LSM5: variants seen among roughly 807,000 people sequenced by gnomAD.
LSM5 encodes U6 snRNA-associated Sm-like protein LSm5.
A neutral mutation model predicts 13.8 loss-of-function variants in LSM5; 8 were observed. That is an observed-to-expected ratio of 0.58 (90% CI 0.34 to 1.04). The LOEUF is 1.04. Ranked by LOEUF, LSM5 falls within the 50% of genes least tolerant of loss-of-function variation. The pLI, the probability that LSM5 is intolerant of heterozygous loss-of-function variation, is 0.03. For synonymous variants in LSM5, 35 were observed against 37.0 expected (o/e 0.95, Z 0.20); for missense variants, 80 against 108.1 (o/e 0.74, Z 1.15).
chr7:32,489,942 A>T (rs1235713518), intron 1 of LSM5: 32 of 907,130 alleles, frequency 3.5e-5, no homozygotes, highest in Admixed American at 1.4e-4. Context: ...CCAGGGTGTT[A>T]GTGTCACTAA....
chr7:32,493,576 G>A (rs372879066), upstream of LSM5, among the ~76,000 whole-genome samples: 8 of 151,920 alleles, frequency 5.3e-5, no homozygotes, highest in African/African-American at 1.9e-4. Flanking sequence ...GTCTCATTCT[G>A]TCATCTGGGC....
rs893099352 is a variant in LSM5, at chr7:32,490,265, C to T, written c.46+55G>A. On this transcript the variant is annotated intron_variant, in intron 1 of 4. Coordinates refer to ENST00000450169, the MANE Select transcript of LSM5 (RefSeq NM_012322.3). ...GGCCTGCCTCGGAACAGCCCCTCGG[C>T]CCCCAATCCTGAATGTCAGCTCCCT... The T allele has an allele frequency of 1.9e-6, 3 of 1,613,910 alleles. No individual in the cohort carries two copies. The African/African-American group carries it at 4.0e-5, about 22-fold the overall frequency.
At chr7:32,490,275 T>C (rs747332542) in intron 1 of LSM5, 45 bp downstream of exon 1, 1 of 1,614,074 alleles carries the variant, frequency 6.2e-7, no homozygotes, top group Non-Finnish European at 8.5e-7. Flanking sequence ...CCCCCAATCC[T>C]GAATGTCAGC....
chr7:32,490,421 G>T, upstream of LSM5: 1 of 1,476,906 alleles, frequency 6.8e-7, no homozygotes. Context: ...TGAAAAGCGC[G>T]CTTCCGCTTT....
intron 2 of LSM5, 84 bp downstream of exon 2, chr7:32,489,165 T>TA: frequency 2.9e-6 from 2 of 682,302 alleles, no homozygotes; most frequent in Non-Finnish European, 5.2e-6. Flanking sequence ...TTTATTATAA[T>TA]AATCACAAAT....
At chr7:32,488,681 C>T (rs374727800) in intron 2 of LSM5, 29 bp from the exon 3 acceptor site, 65 of 1,493,804 alleles carry the variant, frequency 4.4e-5, no homozygotes, top group Non-Finnish European at 5.6e-5. Flanking sequence ...AAAATAAATA[C>T]AGAATTTACT....
chr7:32,487,153 G>T lies in LSM5; in HGVS notation c.*108C>A. The T allele has an allele frequency of 1.1e-6, 1 of 951,434 alleles. No individual in the cohort carries two copies. The highest frequency in any genetic ancestry group is 1.4e-5 in the South Asian group (1 of 69,812). 58.9% of individuals were successfully genotyped at this position (951,434 alleles called of 1,614,324 possible). A position where few individuals can be genotyped will look rare whatever the true frequency, so the allele number is the denominator to read the frequency against. ...CATCTTCAAAGCACTTCCCTTTAAC[G>T]GGAAACTTAGCTTTATGGGATTTAA... On this transcript the variant is annotated 3_prime_UTR_variant, in exon 5 of 5. Transcript: ENST00000450169.
rs1251070069 is a variant in LSM5, at chr7:32,489,249, T to C, written c.142A>G (p.Asn48Asp). The change falls in exon 2 of 5, where the codon AAT becomes GAT. Residue 48 changes from asparagine to aspartate, a missense_variant and splice_region_variant. Physicochemically the swap from Asn to Asp is conservative, Grantham distance 23. Coordinates refer to ENST00000450169, the MANE Select transcript of LSM5 (RefSeq NM_012322.3). Reference sequence around the variant, plus strand: ...CCACCACCACCTTTTAAAAGGATACTGACAAAGTCATCAAATCCTAGAAGA... The same window carrying C: ...CCACCACCACCTTTTAAAAGGATACCGACAAAGTCATCAAATCCTAGAAGA... ...GTLLGFDDFV[N>D]MVLEDVTEFE... 1 of 1,550,826 alleles carries C rather than the reference T, an allele frequency of 6.4e-7. No individual in the cohort carries two copies.
intron 4 of LSM5, 152 bp downstream of exon 4, chr7:32,487,533 T>C: frequency 2.9e-6 from 2 of 683,460 alleles, no homozygotes. Context: ...AGCTGAGCTT[T>C]AGGACCCTGA....
chr7:32,491,656 GA>G (rs529344372), upstream of LSM5, among the ~76,000 whole-genome samples: 93 of 152,224 alleles, frequency 6.1e-4, 1 homozygote, highest in African/African-American at 2.0e-3. Flanking sequence ...ATACCCATTG[GA>G]AAAAATGGGG....
At chr7:32,490,581 C>A, upstream of LSM5, 2 of 592,924 alleles carry the variant, frequency 3.4e-6, no homozygotes, top group Non-Finnish European at 6.2e-6. Flanking sequence ...TCGGCAGATA[C>A]CCATAATGCC....
chr7:32,489,810 T>C (rs1250573799), intron 1 of LSM5, among the ~76,000 whole-genome samples: 3 of 152,154 alleles, frequency 2.0e-5, no homozygotes, highest in Non-Finnish European at 4.4e-5. Flanking sequence ...ATGGCTATGG[T>C]TTATCATTGA....
upstream of LSM5, among the ~76,000 whole-genome samples, chr7:32,493,733 G>A (rs1398670402): frequency 1.3e-5 from 2 of 151,716 alleles, no homozygotes; most frequent in Non-Finnish European, 2.9e-5. Context: ...CAGAGATGGG[G>A]TTTCACCATG....
At chr7:32,491,397 CA>C (rs11393390), upstream of LSM5, among the ~76,000 whole-genome samples, 460 of 97,884 alleles carry the variant, frequency 4.7e-3, 1 homozygote, top group African/African-American at 0.014. Flanking sequence ...AACTCCATCT[CA>C]AAAAAAAAAA....
rs536388541 is a variant in LSM5, at chr7:32,490,180, A to G, written c.46+140T>C. 1,314 of 1,561,740 alleles carry G rather than the reference A, an allele frequency of 8.4e-4. 2 individuals are homozygous for G. Among genetic ancestry groups the G allele is most frequent in the Non-Finnish European group, 1.1e-3 (1,239 of 1,152,854 alleles). On this transcript the variant is annotated intron_variant, in intron 1 of 4. Transcript: ENST00000450169. ...GAGCAGGTGCGGCCTGCTGTCGCGA[A>G]GACTTGGAGCTCAGAGTCGAACCGC...
At chr7:32,487,368 G>A in intron 4 of LSM5, 75 bp from the exon 5 acceptor site, 2 of 1,213,812 alleles carry the variant, frequency 1.6e-6, no homozygotes, top group South Asian at 1.3e-5. Flanking sequence ...TCTTCATTAA[G>A]CCACCTTTGC....
At chr7:32,488,549 A>G in intron 3 of LSM5, 76 bp downstream of exon 3, 1 of 963,320 alleles carries the variant, frequency 1.0e-6, no homozygotes, top group Non-Finnish European at 1.7e-6. Context: ...GTTTTCTCAT[A>G]AATAATTTTA....
At chr7:32,494,464 G>C (rs1786686372), upstream of LSM5, among the ~76,000 whole-genome samples, 1 of 152,144 alleles carries the variant, frequency 6.6e-6, no homozygotes, top group South Asian at 2.1e-4. Flanking sequence ...GAAGCCTACT[G>C]TTTTTCTCAG....
Position 32,485,350 on chromosome 7 carries a change from A to G in LSM5, c.*1911T>C, listed in dbSNP as rs1395621887. 6.6e-6 allele frequency: 1 copy of G among 152,242 alleles called. No homozygotes were observed. The highest frequency in any genetic ancestry group is 1.9e-4 in the East Asian group (1 of 5,204). The allele number at this position is 152,242 out of a possible 1,614,324, so 9.4% of individuals were successfully genotyped here. On this transcript the variant is annotated 3_prime_UTR_variant, in exon 5 of 5. Coordinates refer to ENST00000450169, the MANE Select transcript of LSM5 (RefSeq NM_012322.3). Reference sequence around the variant, plus strand: ...AGAAAACATAAAGTGCCCAAAGAAAAGTATAATCAAAGCAAAGGTTTTCCA... The same window carrying G: ...AGAAAACATAAAGTGCCCAAAGAAAGGTATAATCAAAGCAAAGGTTTTCCA...
Sources: gnomAD v4.1 joint callset for allele counts (sites outside exome capture counted in the v4.1 genomes callset) on GRCh38, gnomAD v4.1.1 for gene constraint, MANE v1.5 for transcripts, NCBI Gene and HGNC (gene_info 2026-07-23, HGNC 2026-07-21) for gene names.